POLR3A: variants seen among roughly 807,000 people sequenced by gnomAD.
POLR3A encodes the protein DNA-directed RNA polymerase III subunit RPC1.
A neutral mutation model predicts 152.8 loss-of-function variants in POLR3A; 112 were observed. That is an observed-to-expected ratio of 0.73 (90% CI 0.63 to 0.86). The LOEUF is 0.86. POLR3A is among the 40% of genes least tolerant of loss of function. The pLI, the probability that POLR3A is intolerant of heterozygous loss-of-function variation, is 0.00. For synonymous variants in POLR3A, 615 were observed against 652.1 expected, an observed-to-expected ratio of 0.94 and a Z score of 0.87; for missense variants, 1,385 against 1,743.1, an observed-to-expected ratio of 0.79 and a Z score of 3.66.
At chr10:78,002,009 T>C (rs1847361910) in intron 17 of POLR3A, among the ~76,000 whole-genome samples, 188 bp downstream of exon 17, 1 of 152,124 alleles carries the variant, frequency 6.6e-6, no homozygotes, top group African/African-American at 2.4e-5. Context: ...TCCAGACACA[T>C]TACCAACAAG....
chr10:77,984,635 C>A (rs961562507), intron 24 of POLR3A, among the ~76,000 whole-genome samples: 1 of 152,232 alleles, frequency 6.6e-6, no homozygotes, highest in African/African-American at 2.4e-5. Context: ...AGCCATTGCG[C>A]CCAGCCGACT....
Position 77,977,277 on chromosome 10 carries a change from C to T in POLR3A, c.*201G>A, listed in dbSNP as rs180866130. The stretch of plus-strand genomic sequence containing the variant: ...TAAAACCCTCAGCTCTCCCGAGCAG[C>T]GTGGCACAGTCAGGGTCACTGGTGT... On this transcript the variant is annotated 3_prime_UTR_variant, in exon 31 of 31. Coordinates refer to ENST00000372371, the MANE Select transcript of POLR3A (RefSeq NM_007055.4). 3.0e-3 allele frequency: 1,906 copies of T among 637,710 alleles called. 9 individuals are homozygous for T. Among genetic ancestry groups the T allele is most frequent in the Admixed American group, 6.0e-3 (222 of 37,172 alleles). 39.5% of individuals were successfully genotyped at this position (637,710 alleles called of 1,614,324 possible). A position where few individuals can be genotyped will look rare whatever the true frequency, so the allele number is the denominator to read the frequency against.
rs1023077701 is a variant in POLR3A at position 78,000,033 on chromosome 10, C to T, written c.2564G>A (p.Arg855Gln). The T allele has an allele frequency of 3.7e-6, 6 of 1,614,068 alleles. No individual in the cohort carries two copies. Among genetic ancestry groups the T allele is most frequent in the Non-Finnish European group, 5.1e-6 (6 of 1,179,982 alleles). The change falls in exon 19 of 31, where the codon CGG becomes CAG. Residue 855 changes from arginine (R) to glutamine (Q), a missense_variant. Physicochemically the swap from Arg to Gln is conservative, Grantham distance 43 (BLOSUM62 1). This residue lies in a region of POLR3A where 170 missense variants were observed against 231.2 expected (regional missense o/e 0.74). Coordinates refer to ENST00000372371, the MANE Select transcript of POLR3A (RefSeq NM_007055.4). Reference sequence around the variant, plus strand: ...TACAGCCGTGTCGACTAGACCTTCCCGGCCGGCCATTGTGTGGAAGAAAAA... The same window carrying T: ...TACAGCCGTGTCGACTAGACCTTCCTGGCCGGCCATTGTGTGGAAGAAAAA... Reference protein sequence around the residue: ...TEFFFHTMAGREGLVDTAVKT... With the variant: ...TEFFFHTMAGQEGLVDTAVKT...
intron 15 of POLR3A, among the ~76,000 whole-genome samples, chr10:78,005,612 G>T (rs944402940): frequency 6.6e-6 from 1 of 152,232 alleles, no homozygotes; most frequent in Non-Finnish European, 1.5e-5. Context: ...GGACTAATGG[G>T]CCTGGAAAGG....
intron 15 of POLR3A, among the ~76,000 whole-genome samples, chr10:78,005,758 C>A (rs1001637316): frequency 6.6e-6 from 1 of 152,074 alleles, no homozygotes. Flanking sequence ...TCGCTCCCAG[C>A]GAAATGGAAT....
At position 77,999,963 on chromosome 10, in the gene POLR3A, T is replaced by A; in HGVS notation, c.2616+18A>T. 1 of 1,613,468 alleles carries A rather than the reference T, an allele frequency of 6.2e-7. No homozygotes were observed. The highest frequency in any genetic ancestry group is 8.5e-7 in the Non-Finnish European group (1 of 1,179,374). ...CTGTCCTGCTCTGTTGCTAATGGCC[T>A]ACATTTCTTCAGGTTACCTGCATGT... On this transcript the variant is annotated intron_variant, in intron 19 of 30. Coordinates refer to ENST00000372371, the MANE Select transcript of POLR3A (RefSeq NM_007055.4).
intron 19 of POLR3A, among the ~76,000 whole-genome samples, chr10:77,998,235 A>T (rs1222362658): frequency 6.6e-6 from 1 of 151,836 alleles, no homozygotes; most frequent in Non-Finnish European, 1.5e-5. Flanking sequence ...TTCAGGACAT[A>T]GGCATGGGCA....
intron 15 of POLR3A, 89 bp downstream of exon 15, chr10:78,007,613 G>T: frequency 9.2e-7 from 1 of 1,085,312 alleles, no homozygotes; most frequent in Non-Finnish European, 1.4e-6. Flanking sequence ...TGGTGGGGAT[G>T]AAATGGCAGT....
intron 9 of POLR3A, among the ~76,000 whole-genome samples, chr10:78,018,554 C>T (rs1029070275): frequency 6.6e-6 from 1 of 151,818 alleles, no homozygotes; most frequent in African/African-American, 2.4e-5. Flanking sequence ...CCCTGAGAGC[C>T]CAGGTGACAC....
intron 16 of POLR3A, 80 bp from the exon 17 acceptor site, chr10:78,002,388 G>T (rs1428507082): frequency 1.0e-6 from 1 of 987,034 alleles, no homozygotes; most frequent in Non-Finnish European, 1.6e-6. Flanking sequence ...AACATTTAAA[G>T]AAATTTGAAA....
chr10:78,004,941 C>G, intron 15 of POLR3A, 53 bp from the exon 16 acceptor site: 2 of 1,384,528 alleles, frequency 1.4e-6, no homozygotes, highest in Non-Finnish European at 2.1e-6. Context: ...CTCAGCAAAC[C>G]TACTAAATAC....
At chr10:78,017,795 A>G in intron 9 of POLR3A, 79 bp from the exon 10 acceptor site, 1 of 1,400,642 alleles carries the variant, frequency 7.1e-7, no homozygotes, top group Non-Finnish European at 1.0e-6. Flanking sequence ...TCAGGATTCA[A>G]TCTTTAATAT....
chr10:78,017,816 C>A, intron 9 of POLR3A, 100 bp from the exon 10 acceptor site: 3 of 1,296,892 alleles, frequency 2.3e-6, no homozygotes, highest in Non-Finnish European at 2.2e-6. Flanking sequence ...ATTATTTCAT[C>A]AAATCTAAGA....
At chr10:78,026,253 A>G (rs1346602733) in intron 1 of POLR3A, 24 bp from the exon 2 acceptor site, 1 of 1,613,832 alleles carries the variant, frequency 6.2e-7, no homozygotes, top group Non-Finnish European at 8.5e-7. Flanking sequence ...AAAAAGGTGA[A>G]AATTACAGCA....
chr10:77,993,084 G>T, intron 20 of POLR3A, 113 bp downstream of exon 20: 1 of 857,636 alleles, frequency 1.2e-6, no homozygotes, highest in Non-Finnish European at 2.0e-6. Flanking sequence ...CAGTGCTTGG[G>T]ATTATAAATA....
intron 21 of POLR3A, among the ~76,000 whole-genome samples, chr10:77,988,808 C>T (rs946930979): frequency 3.9e-5 from 6 of 152,130 alleles, no homozygotes; most frequent in Non-Finnish European, 5.9e-5. Flanking sequence ...AGAAAGGTCC[C>T]GAAAGCCCTC....
intron 11 of POLR3A, 126 bp from the exon 12 acceptor site, chr10:78,010,666 A>C (rs903137457): frequency 2.3e-5 from 17 of 748,980 alleles, no homozygotes; most frequent in Admixed American, 2.0e-4. Context: ...AGGCTGAGAA[A>C]TGAAAGCCAG....
rs1202015360 is a variant in POLR3A at position 77,985,167 on chromosome 10, C to T, written c.3242+3G>A. 6.2e-7 allele frequency: 1 copy of T among 1,612,816 alleles called. No homozygotes were observed. The highest frequency in any genetic ancestry group is 8.5e-7 in the Non-Finnish European group (1 of 1,178,710). ...GGAACAAGAAGGAAATGAAAGCAGGCACCTGATGGCCTTGGAAGCGTTGAT... is the reference window on the plus strand; with the variant it reads ...GGAACAAGAAGGAAATGAAAGCAGGTACCTGATGGCCTTGGAAGCGTTGAT... On this transcript the variant is annotated splice_donor_region_variant and intron_variant, in intron 24 of 30. Transcript: ENST00000372371.
chr10:78,014,233 C>T (rs1337295464), intron 10 of POLR3A, among the ~76,000 whole-genome samples: 5 of 151,674 alleles, frequency 3.3e-5, no homozygotes, highest in South Asian at 2.1e-4. Flanking sequence ...TCAACAAAGG[C>T]GCCAGTGTGA....
Sources: allele counts gnomAD v4.1 joint callset (sites outside exome capture counted in the v4.1 genomes callset), GRCh38; gene constraint gnomAD v4.1.1; regional missense constraint gnomAD v4.1.1; transcripts MANE v1.5; gene names NCBI Gene and HGNC (gene_info 2026-07-23, HGNC 2026-07-21).